HIVEP1: variants seen among roughly 807,000 people sequenced by gnomAD.
The protein encoded by HIVEP1 is HIVEP zinc finger 1.
HIVEP1 carries 36 observed loss-of-function variants against 180.0 expected under a neutral mutation model. The ratio of observed to expected loss-of-function variants is 0.20; its 90% CI spans 0.15 to 0.26. The LOEUF (loss-of-function observed/expected upper bound fraction) is 0.26. Ranked by LOEUF, HIVEP1 falls within the 10% of genes least tolerant of loss-of-function variation. The pLI is 1.00. For synonymous variants in HIVEP1, 1,239 were observed against 1,239.0 expected (o/e 1.00, Z 0.00); for missense variants, 3,143 against 3,268.7 (o/e 0.96, Z 0.94).
At chr6:12,197,243 G>A in the HIVEP1 span, among the ~76,000 whole-genome samples, 1 of 152,120 alleles carries the variant, frequency 6.6e-6, no homozygotes, top group Admixed American at 6.6e-5. Context: ...AGTGTGGGGA[G>A]CTGAGTTCAT....
intron 2 of HIVEP1, among the ~76,000 whole-genome samples, chr6:12,070,440 C>A (rs543722699): frequency 6.6e-6 from 1 of 152,114 alleles, no homozygotes; most frequent in Non-Finnish European, 1.5e-5. Flanking sequence ...GTAATCTCAG[C>A]ACTTTGGGAG....
chr6:12,155,943 G>C (rs1050208444), intron 7 of HIVEP1, among the ~76,000 whole-genome samples: 1 of 152,032 alleles, frequency 6.6e-6, no homozygotes, highest in Non-Finnish European at 1.5e-5. Context: ...AATAATAGCC[G>C]TTCTGACTGG....
chr6:12,054,070 G>A (rs761842621), intron 2 of HIVEP1, among the ~76,000 whole-genome samples: 1 of 152,096 alleles, frequency 6.6e-6, no homozygotes, highest in Non-Finnish European at 1.5e-5. Context: ...TTTCAGGCTC[G>A]CATTGCCCAT....
chr6:12,016,995 C>G (rs1240072050), intron 2 of HIVEP1, among the ~76,000 whole-genome samples: 1 of 152,188 alleles, frequency 6.6e-6, no homozygotes, highest in Non-Finnish European at 1.5e-5. Context: ...TAGCCCAGCA[C>G]AGTTCCTGGC....
chr6:12,087,875 C>T (rs560496871), intron 2 of HIVEP1, among the ~76,000 whole-genome samples: 9 of 152,202 alleles, frequency 5.9e-5, no homozygotes, highest in Non-Finnish European at 8.8e-5. Context: ...TCTGATAATT[C>T]GCAGGAAGCA....
chr6:12,181,085 G>T, the HIVEP1 span, among the ~76,000 whole-genome samples: 10 of 152,122 alleles, frequency 6.6e-5, no homozygotes, highest in Non-Finnish European at 8.8e-5. Context: ...TTAGAGCCAG[G>T]CACTGTGGCT....
intron 3 of HIVEP1, among the ~76,000 whole-genome samples, chr6:12,100,692 C>T (rs1367900420): frequency 6.6e-6 from 1 of 152,180 alleles, no homozygotes; most frequent in Non-Finnish European, 1.5e-5. Context: ...AATCAACCTT[C>T]TGCTAAGTGA....
the HIVEP1 span, among the ~76,000 whole-genome samples, chr6:12,209,425 T>C: frequency 6.6e-6 from 1 of 152,182 alleles, no homozygotes; most frequent in African/African-American, 2.4e-5. Flanking sequence ...AGAATGAGAC[T>C]CCGTCTCAAA....
rs771909448 is a variant in HIVEP1, at chr6:12,125,112, T to G, written c.5317T>G (p.Cys1773Gly). The G allele has an allele frequency of 5.3e-5, 86 of 1,613,484 alleles. No homozygotes were observed. In the South Asian group the frequency reaches 9.0e-4, roughly 17 times the overall value. Residue 1773 changes from cysteine (C) to glycine (G), a missense_variant, in exon 4 of 9, where the codon TGT (cysteine) becomes GGT (glycine). Physicochemically the swap from Cys to Gly is radical, Grantham distance 159. Coordinates refer to ENST00000379388, the MANE Select transcript of HIVEP1 (RefSeq NM_002114.4). ...KRAKDENGAV[C>G]ATDVRPLEAL... The stretch of plus-strand genomic sequence containing the variant: ...GGCCAAAGATGAAAATGGAGCTGTT[T>G]GTGCAACAGACGTGAGACCTTTAGA...
intron 6 of HIVEP1, among the ~76,000 whole-genome samples, chr6:12,134,177 T>A (rs1024183230): frequency 6.6e-6 from 1 of 152,204 alleles, no homozygotes. Flanking sequence ...TGAACACCAT[T>A]GTGTGCATAA....
chr6:12,109,092 G>T (rs957818405), intron 3 of HIVEP1, among the ~76,000 whole-genome samples: 1 of 152,180 alleles, frequency 6.6e-6, no homozygotes, highest in African/African-American at 2.4e-5. Flanking sequence ...CCATTCTCCT[G>T]CCTCAGCCTC....
At chr6:12,116,709 A>G (rs1200880320) in intron 3 of HIVEP1, among the ~76,000 whole-genome samples, 1 of 151,996 alleles carries the variant, frequency 6.6e-6, no homozygotes, top group Non-Finnish European at 1.5e-5. Context: ...GAATGAACAC[A>G]ACTCAAAAAA....
the HIVEP1 span, among the ~76,000 whole-genome samples, chr6:12,201,496 A>G: frequency 2.5e-4 from 16 of 64,808 alleles, no homozygotes; most frequent in African/African-American, 5.5e-4. Flanking sequence ...ACAAACAAAC[A>G]AACAAAACAA....
At chr6:12,117,997 A>G (rs554659289) in intron 3 of HIVEP1, among the ~76,000 whole-genome samples, 1 of 152,350 alleles carries the variant, frequency 6.6e-6, no homozygotes, top group Admixed American at 6.5e-5. Flanking sequence ...TAATAAGGGA[A>G]AACCAGTGGG....
rs1180751319 is a variant in HIVEP1, at chr6:12,120,055, T to C, written c.260T>C (p.Leu87Pro). The C allele has an allele frequency of 6.2e-7, 1 of 1,613,116 alleles. No individual in the cohort carries two copies. Among genetic ancestry groups the C allele is most frequent in the South Asian group, 1.1e-5 (1 of 90,796 alleles). The change falls in exon 4 of 9, where the codon CTT (leucine) becomes CCT (proline). Residue 87 changes from leucine (L) to proline (P), a missense_variant. Physicochemically the swap from Leu to Pro is moderately conservative, Grantham distance 98 (BLOSUM62 -3). Transcript: ENST00000379388. ...QNTEESSFAV[L>P]HSASESHKKQ... ...ACAGAAGAGTCATCTTTCGCCGTTC[T>C]TCATAGTGCTTCGGAGTCTCACAAG...
intron 2 of HIVEP1, among the ~76,000 whole-genome samples, chr6:12,026,895 A>G (rs1465007032): frequency 2.0e-5 from 3 of 152,200 alleles, no homozygotes; most frequent in African/African-American, 7.2e-5. Flanking sequence ...CAAGGTGGTT[A>G]GGGGTTGGTA....
chr6:12,021,357 G>T (rs974610842), intron 2 of HIVEP1, among the ~76,000 whole-genome samples: 2 of 152,158 alleles, frequency 1.3e-5, no homozygotes, highest in Non-Finnish European at 2.9e-5. Context: ...TCTGTGCTTG[G>T]TTGTCTTTCT....
intron 2 of HIVEP1, chr6:12,037,923 C>G (rs1336040502): frequency 1.5e-5 from 6 of 390,332 alleles, no homozygotes; most frequent in Admixed American, 8.9e-5. Flanking sequence ...CTTTGTTGCC[C>G]AGACTGGTCT....
At chr6:12,065,175 T>C (rs780461030) in intron 2 of HIVEP1, among the ~76,000 whole-genome samples, 9 of 152,204 alleles carry the variant, frequency 5.9e-5, no homozygotes, top group Non-Finnish European at 1.0e-4. Context: ...GAATCATTAG[T>C]AGGTGTTTCT....
Sources: allele counts gnomAD v4.1 joint callset (sites outside exome capture counted in the v4.1 genomes callset), GRCh38; gene constraint gnomAD v4.1.1; transcripts MANE v1.5; gene names NCBI Gene and HGNC (gene_info 2026-07-23, HGNC 2026-07-21).